SLC9C1: variants seen among roughly 807,000 people sequenced by gnomAD.
SLC9C1 encodes the protein sodium/hydrogen exchanger 10.
SLC9C1 carries 97 observed loss-of-function variants against 140.9 expected under a neutral mutation model. The ratio of observed to expected loss-of-function variants is 0.69; its 90% confidence interval spans 0.58 to 0.82. The LOEUF is 0.82. SLC9C1 is among the 40% of genes least tolerant of loss of function. The probability of loss-of-function intolerance (pLI) is 0.00; values close to 1 mark genes in which losing one functional copy is unlikely to be tolerated. For missense variants in SLC9C1, 1,340 were observed against 1,389.3 expected, an observed-to-expected ratio of 0.96 and a Z score of 0.56; for synonymous variants, 440 against 442.6, an observed-to-expected ratio of 0.99 and a Z score of 0.07.
At chr3:112,256,621 G>C (rs1216947376) in intron 10 of SLC9C1, among the ~76,000 whole-genome samples, 1 of 152,082 alleles carries the variant, frequency 6.6e-6, no homozygotes, top group African/African-American at 2.4e-5. Flanking sequence ...TACTGAGTAG[G>C]CAAAGGCTAG....
At chr3:112,230,200 T>C (rs1023807024) in intron 13 of SLC9C1, among the ~76,000 whole-genome samples, 2 of 152,164 alleles carry the variant, frequency 1.3e-5, no homozygotes, top group Admixed American at 1.3e-4. Context: ...TGTTTTATAT[T>C]GACTGACAAT....
chr3:112,203,530 T>C (rs2077962967), intron 17 of SLC9C1, among the ~76,000 whole-genome samples: 3 of 147,654 alleles, frequency 2.0e-5, no homozygotes, highest in Middle Eastern at 3.4e-3. Flanking sequence ...GTAAAGATTC[T>C]ATTAGTTTTA....
chr3:112,266,087 A>G (rs2079910581), intron 8 of SLC9C1, 151 bp downstream of exon 8: 2 of 583,762 alleles, frequency 3.4e-6, no homozygotes, highest in East Asian at 3.5e-5. Flanking sequence ...GACACAGGCA[A>G]GAAAAAATAA....
chr3:112,157,627 C>A (rs1338432073), intron 26 of SLC9C1, among the ~76,000 whole-genome samples: 3 of 151,902 alleles, frequency 2.0e-5, no homozygotes, highest in Non-Finnish European at 4.4e-5. Flanking sequence ...ACCACTTTAA[C>A]AACATTAATT....
rs562633315 is a variant in SLC9C1, at chr3:112,248,862, G to T, written c.1198-4786C>A. 2.6e-5 allele frequency among the ~76,000 whole-genome samples: 4 copies of T among 152,208 alleles called. No homozygotes were observed. The South Asian group carries it at 8.3e-4, about 32-fold the overall frequency. On this transcript the variant is annotated intron_variant, in intron 10 of 28. Coordinates refer to ENST00000305815, the MANE Select transcript of SLC9C1 (RefSeq NM_183061.3). ...TTCTTCAAACTCTATTTCACAAAAA[G>T]TTTTCTATGTATAAAATCATATCTT...
At position 112,167,252 on chromosome 3, in the gene SLC9C1, T is replaced by G; in HGVS notation, c.3333A>C (p.Lys1111Asn). The change falls in exon 26 of 29, where the codon AAA becomes AAC. Residue 1111 changes from lysine to asparagine, a missense_variant. Lys to Asn is a moderately conservative substitution (Grantham distance 94). Coordinates refer to ENST00000305815, the MANE Select transcript of SLC9C1 (RefSeq NM_183061.3). ...FRRNIRKFVP[K>N]HKSYLTPGLI... is the part of the protein sequence containing the mutation. ...ATCCTGGTGTAAGATAACTTTTATG[T>G]TTAGGAACAAACTTTCTAATATTCC... is the stretch of plus-strand genomic sequence containing the variant. The G allele has an allele frequency of 1.9e-6, 3 of 1,610,170 alleles. No homozygotes were observed. Among genetic ancestry groups the G allele is most frequent in the Non-Finnish European group, 2.5e-6 (3 of 1,178,392 alleles).
At chr3:112,206,759 C>A (rs1275769484) in intron 16 of SLC9C1, among the ~76,000 whole-genome samples, 1 of 151,526 alleles carries the variant, frequency 6.6e-6, no homozygotes, top group Non-Finnish European at 1.5e-5. Context: ...AACCAAACAC[C>A]ACATATTCTC....
At chr3:112,263,280 A>G (rs11918129) in intron 9 of SLC9C1, among the ~76,000 whole-genome samples, 182 bp from the exon 10 acceptor site, 44,911 of 151,766 alleles carry the variant, frequency 0.3, 7,202 homozygotes, top group East Asian at 0.43. Context: ...GAGACATGCC[A>G]AGAGAATGGT....
intron 15 of SLC9C1, among the ~76,000 whole-genome samples, chr3:112,213,940 T>A (rs1040112921): frequency 6.6e-6 from 1 of 152,154 alleles, no homozygotes; most frequent in African/African-American, 2.4e-5. Flanking sequence ...TATTCCAAAA[T>A]TGACCACATA....
At chr3:112,222,765 CAT>C (rs1576379132) in intron 13 of SLC9C1, among the ~76,000 whole-genome samples, 2 of 152,172 alleles carry the variant, frequency 1.3e-5, no homozygotes, top group East Asian at 3.9e-4. Flanking sequence ...GACATGGCCT[CAT>C]AACATTTTTA....
At chr3:112,187,521 C>A (rs2077561981) in intron 20 of SLC9C1, among the ~76,000 whole-genome samples, 1 of 151,968 alleles carries the variant, frequency 6.6e-6, no homozygotes, top group South Asian at 2.1e-4. Flanking sequence ...ATGATGTAAC[C>A]AATAGAAGAT....
intron 26 of SLC9C1, among the ~76,000 whole-genome samples, chr3:112,161,685 A>G (rs1213954762): frequency 2.0e-5 from 3 of 151,994 alleles, no homozygotes; most frequent in Non-Finnish European, 4.4e-5. Context: ...CTTGTAGTAT[A>G]GTTTGAAGTC....
intron 1 of SLC9C1, among the ~76,000 whole-genome samples, chr3:112,291,938 T>TA (rs2080696255): frequency 6.6e-6 from 1 of 152,136 alleles, no homozygotes. Context: ...TATGCAGCCA[T>TA]AAAAAAGAAT....
intron 10 of SLC9C1, among the ~76,000 whole-genome samples, chr3:112,250,814 C>A (rs182083837): frequency 5.9e-5 from 9 of 152,246 alleles, no homozygotes; most frequent in Admixed American, 5.9e-4. Context: ...ATTAAGGCAG[C>A]CACAGTGGAA....
Position 112,169,072 on chromosome 3 carries a change from A to G in SLC9C1, c.3052-10T>C, listed in dbSNP as rs1386489882. ...TATTGTAGTTCCAATCCTGTTTTAG[A>G]AAACACAATTTCAGTCTATTATTAG... On this transcript the variant is annotated splice_polypyrimidine_tract_variant and intron_variant, in intron 24 of 28. Coordinates refer to ENST00000305815, the MANE Select transcript of SLC9C1 (RefSeq NM_183061.3). 6.3e-7 allele frequency: 1 copy of G among 1,578,890 alleles called. No individual in the cohort carries two copies. Among genetic ancestry groups the G allele is most frequent in the African/African-American group, 1.4e-5 (1 of 73,464 alleles).
chr3:112,245,571 T>A lies in SLC9C1; in HGVS notation c.1198-1495A>T, dbSNP rs539796373. 3.9e-5 allele frequency among the ~76,000 whole-genome samples: 6 copies of A among 152,212 alleles called. No homozygotes were observed. The South Asian group carries it at 1.2e-3, about 32-fold the overall frequency. ...GTCTTTTTTGAATTCCTTATTATAC[T>A]CCATCTTTTTTTATTCTTATGCCAG... On this transcript the variant is annotated intron_variant, in intron 10 of 28. Transcript: ENST00000305815.
At chr3:112,261,602 G>A (rs558922743) in intron 10 of SLC9C1, among the ~76,000 whole-genome samples, 1 of 152,124 alleles carries the variant, frequency 6.6e-6, no homozygotes. Flanking sequence ...GTAGGGTTCA[G>A]CTAGATTAAA....
chr3:112,252,593 T>C (rs1369301885), intron 10 of SLC9C1, among the ~76,000 whole-genome samples: 1 of 152,078 alleles, frequency 6.6e-6, no homozygotes, highest in Non-Finnish European at 1.5e-5. Context: ...ATATCCTGAT[T>C]GGGGTCTCCA....
At chr3:112,253,955 A>G (rs2079535146) in intron 10 of SLC9C1, among the ~76,000 whole-genome samples, 1 of 152,242 alleles carries the variant, frequency 6.6e-6, no homozygotes. Flanking sequence ...TATTGCCAGT[A>G]TTAACAGCAG....
Sources: gnomAD v4.1 joint callset for allele counts (sites outside exome capture counted in the v4.1 genomes callset) on GRCh38, gnomAD v4.1.1 for gene constraint, MANE v1.5 for transcripts, NCBI Gene and HGNC (gene_info 2026-07-23, HGNC 2026-07-21) for gene names.